ROBO2: variants seen among roughly 807,000 people sequenced by gnomAD.
ROBO2 encodes roundabout guidance receptor 2, also known as roundabout homolog 2.
Under a neutral mutation model 160.8 loss-of-function variants are expected in ROBO2, and 53 were observed. The ratio of observed to expected loss-of-function variants is 0.33; its 90% CI spans 0.26 to 0.41. ROBO2 has a LOEUF of 0.41. ROBO2 is among the 10% of genes least tolerant of loss of function. The pLI is 1.00. For synonymous variants in ROBO2, 664 were observed against 611.7 expected, an observed-to-expected ratio of 1.09 and a Z score of -1.26; for missense variants, 1,577 against 1,722.4, an observed-to-expected ratio of 0.92 and a Z score of 1.49.
At chr3:76,387,595 A>T (rs2076954456) in intron 2 of ROBO2, among the ~76,000 whole-genome samples, 1 of 152,146 alleles carries the variant, frequency 6.6e-6, no homozygotes, top group South Asian at 2.1e-4. Context: ...ATTATTATGA[A>T]TTTTTCAAGT....
intron 2 of ROBO2, among the ~76,000 whole-genome samples, chr3:76,963,689 TAC>T (rs2079837239): frequency 6.6e-6 from 1 of 152,046 alleles, no homozygotes; most frequent in Non-Finnish European, 1.5e-5. Context: ...CATATTTGTT[TAC>T]CTTTGTTTAT....
At chr3:77,312,720 G>A (rs1300863309) in intron 2 of ROBO2, among the ~76,000 whole-genome samples, 1 of 152,128 alleles carries the variant, frequency 6.6e-6, no homozygotes, top group Non-Finnish European at 1.5e-5. Flanking sequence ...CTTGAGTGAA[G>A]GGTACACATA....
intron 2 of ROBO2, among the ~76,000 whole-genome samples, chr3:76,644,044 T>C (rs1261513892): frequency 6.6e-6 from 1 of 152,132 alleles, no homozygotes; most frequent in Non-Finnish European, 1.5e-5. Flanking sequence ...CCATATAGAG[T>C]CATTAAATAT....
intron 2 of ROBO2, among the ~76,000 whole-genome samples, chr3:77,156,003 C>T (rs563519903): frequency 6.6e-6 from 1 of 151,972 alleles, no homozygotes; most frequent in Admixed American, 6.6e-5. Context: ...GCTTTTATTG[C>T]CACTCTTTCT....
intron 2 of ROBO2, among the ~76,000 whole-genome samples, chr3:77,254,592 T>C (rs13080475): frequency 1.3e-5 from 2 of 152,252 alleles, no homozygotes; most frequent in Non-Finnish European, 2.9e-5. Flanking sequence ...ATTAGAGAGG[T>C]GGAGAAAATT....
At chr3:76,287,146 T>C (rs1030704370) in intron 2 of ROBO2, among the ~76,000 whole-genome samples, 4 of 152,304 alleles carry the variant, frequency 2.6e-5, no homozygotes, top group African/African-American at 9.6e-5. Flanking sequence ...ATAAGAGGAA[T>C]GTACCACTAA....
chr3:76,694,040 T>G (rs1465846356), intron 2 of ROBO2, among the ~76,000 whole-genome samples: 1 of 152,196 alleles, frequency 6.6e-6, no homozygotes, highest in Non-Finnish European at 1.5e-5. Flanking sequence ...GCCTACATTT[T>G]CATAACCTAA....
intron 2 of ROBO2, among the ~76,000 whole-genome samples, chr3:76,406,084 C>G (rs2078108469): frequency 1.3e-5 from 2 of 151,558 alleles, no homozygotes; most frequent in African/African-American, 4.8e-5. Context: ...ATTTATTACA[C>G]AATTTTTTCA....
At chr3:77,528,084 G>C (rs2091335480) in intron 6 of ROBO2, among the ~76,000 whole-genome samples, 1 of 151,500 alleles carries the variant, frequency 6.6e-6, no homozygotes, top group Admixed American at 6.6e-5. Flanking sequence ...TATTTAAGTG[G>C]TAATTATTTG....
intron 2 of ROBO2, among the ~76,000 whole-genome samples, chr3:75,958,880 T>C (rs1186668274): frequency 6.6e-6 from 1 of 151,772 alleles, no homozygotes; most frequent in East Asian, 1.9e-4. Context: ...CCTCAACATT[T>C]TGTGATGCTT....
At position 76,582,363 on chromosome 3, in the gene ROBO2, ACT is replaced by A. The variant is rs544599791; in HGVS notation, c.110-515648_110-515647del. ...AAGGATGTATATTCAGGAATAGAAAACTCTACCAGGTTACACAGGAGAATTCA... is the reference window on the plus strand; with the variant it reads ...AAGGATGTATATTCAGGAATAGAAAACTACCAGGTTACACAGGAGAATTCA... On this transcript the variant is annotated intron_variant, in intron 2 of 26. Coordinates refer to the ROBO2 transcript ENST00000487694. Among the ~76,000 whole-genome samples the A allele has an allele frequency of 8.7e-4, 132 of 152,210 alleles. 3 individuals carry two copies. Among genetic ancestry groups the A allele is most frequent in the Admixed American group, 8.5e-3 (130 of 15,288 alleles).
intron 2 of ROBO2, among the ~76,000 whole-genome samples, chr3:76,037,956 A>G (rs2067168064): frequency 6.6e-6 from 1 of 152,052 alleles, no homozygotes; most frequent in Non-Finnish European, 1.5e-5. Flanking sequence ...GAAGAAATAT[A>G]GATCAGAATA....
At chr3:77,060,183 A>G (rs901781299) in intron 1 of ROBO2, among the ~76,000 whole-genome samples, 7 of 152,146 alleles carry the variant, frequency 4.6e-5, no homozygotes, top group African/African-American at 1.7e-4. Context: ...TGGTTATAGC[A>G]TTGGGTGTGT....
intron 2 of ROBO2, among the ~76,000 whole-genome samples, chr3:77,110,646 TAA>T (rs1165213005): frequency 6.7e-6 from 1 of 148,834 alleles, no homozygotes; most frequent in Admixed American, 6.7e-5. Context: ...TATATATATA[TAA>T]ATATATAAAT....
intron 2 of ROBO2, among the ~76,000 whole-genome samples, chr3:76,931,215 T>A (rs201947759): frequency 6.7e-6 from 1 of 149,658 alleles, no homozygotes; most frequent in Non-Finnish European, 1.5e-5. Flanking sequence ...AGAAAAAAAA[T>A]TTAAAGTCAT....
intron 2 of ROBO2, among the ~76,000 whole-genome samples, chr3:76,249,043 A>T (rs943466039): frequency 7.2e-5 from 11 of 152,144 alleles, no homozygotes; most frequent in African/African-American, 2.4e-4. Context: ...TGGAATGAAA[A>T]ACTGGGAATT....
intron 5 of ROBO2, among the ~76,000 whole-genome samples, chr3:77,497,370 G>A (rs77194155): frequency 0.032 from 4,927 of 152,170 alleles, 265 homozygotes; most frequent in African/African-American, 0.11. Flanking sequence ...GATTTTTGAA[G>A]CACATTTTTA....
chr3:76,878,165 G>A (rs1249013961), intron 2 of ROBO2, among the ~76,000 whole-genome samples: 1 of 150,262 alleles, frequency 6.7e-6, no homozygotes, highest in Non-Finnish European at 1.5e-5. Flanking sequence ...GTTAAAAAAA[G>A]TTTCCTTAAT....
chr3:76,030,025 CTGT>C (rs2066866735), intron 2 of ROBO2, among the ~76,000 whole-genome samples: 1 of 152,102 alleles, frequency 6.6e-6, no homozygotes, highest in East Asian at 1.9e-4. Flanking sequence ...TCTCCAGCAC[CTGT>C]TGTTTCCTGA....
Sources: gnomAD v4.1 joint callset for allele counts (sites outside exome capture counted in the v4.1 genomes callset) on GRCh38, gnomAD v4.1.1 for gene constraint, MANE v1.5 for transcripts, NCBI Gene and HGNC (gene_info 2026-07-23, HGNC 2026-07-21) for gene names.